MEI4: variants seen among roughly 807,000 people sequenced by gnomAD.
The protein encoded by MEI4 is meiosis-specific protein MEI4.
Under a neutral mutation model 31.4 loss-of-function variants are expected in MEI4, and 27 were observed. The ratio of observed to expected loss-of-function variants is 0.86; its 90% confidence interval spans 0.63 to 1.19. MEI4 has a LOEUF of 1.19. MEI4 is among the 50% of genes most tolerant of loss of function. The pLI, the probability that MEI4 is intolerant of heterozygous loss-of-function variation, is 0.00. For synonymous variants in MEI4, 122 were observed against 145.4 expected, an observed-to-expected ratio of 0.84 and a Z score of 1.16; for missense variants, 329 against 398.9, an observed-to-expected ratio of 0.82 and a Z score of 1.49.
At chr6:77,878,522 G>A (rs1418384280) in intron 4 of MEI4, among the ~76,000 whole-genome samples, 1 of 151,894 alleles carries the variant, frequency 6.6e-6, no homozygotes, top group Non-Finnish European at 1.5e-5. Context: ...ATGAATAGTT[G>A]GCCATTAACA....
intron 4 of MEI4, among the ~76,000 whole-genome samples, chr6:77,900,804 C>T (rs1160921953): frequency 6.6e-6 from 1 of 151,964 alleles, no homozygotes; most frequent in African/African-American, 2.4e-5. Flanking sequence ...TAATGCACAA[C>T]AGGTGTCTTG....
At chr6:77,754,866 C>T (rs1767871803) in intron 2 of MEI4, among the ~76,000 whole-genome samples, 2 of 152,138 alleles carry the variant, frequency 1.3e-5, no homozygotes, top group Admixed American at 6.6e-5. Flanking sequence ...ATGAGAACGA[C>T]ACAGCAGTAA....
rs1766820435 is a variant in MEI4 at position 77,925,437 on chromosome 6, A to AAATCT, written c.*2093_*2097dup. 2 of 151,774 alleles carry AAATCT rather than the reference A, an allele frequency of 1.3e-5. No homozygotes were observed. The highest frequency in any genetic ancestry group is 2.9e-5 in the Non-Finnish European group (2 of 67,900). 9.4% of individuals were successfully genotyped at this position (151,774 alleles called of 1,614,324 possible). A position where few individuals can be genotyped will look rare whatever the true frequency, so the allele number is the denominator to read the frequency against. On this transcript the variant is annotated 3_prime_UTR_variant, in exon 5 of 5. Transcript: ENST00000684080. Reference sequence around the variant, plus strand: ...GTGTAGTAAATTAGTATTAAGGTCCAAATCTACTGGTCAAAAAGAAGATAA... The same window carrying AAATCT: ...GTGTAGTAAATTAGTATTAAGGTCCAAATCTAATCTACTGGTCAAAAAGAAGATAA...
chr6:77,740,245 G>T (rs773555885), intron 2 of MEI4, among the ~76,000 whole-genome samples: 6 of 152,174 alleles, frequency 3.9e-5, no homozygotes, highest in Non-Finnish European at 7.4e-5. Flanking sequence ...TAGAGTATGT[G>T]CCATGTGGTG....
intron 3 of MEI4, among the ~76,000 whole-genome samples, chr6:77,804,549 G>C (rs1213861452): frequency 6.6e-6 from 1 of 152,162 alleles, no homozygotes; most frequent in Non-Finnish European, 1.5e-5. Context: ...TTTCGCTCAC[G>C]CTGGGATCTG....
chr6:77,654,924 T>C (rs1324432567), intron 1 of MEI4, among the ~76,000 whole-genome samples: 1 of 152,148 alleles, frequency 6.6e-6, no homozygotes, highest in Admixed American at 6.5e-5. Context: ...TTTTATTTTT[T>C]ATTATATTTT....
At chr6:77,799,205 T>G (rs1268862691) in intron 3 of MEI4, among the ~76,000 whole-genome samples, 2 of 152,106 alleles carry the variant, frequency 1.3e-5, no homozygotes, top group African/African-American at 4.8e-5. Flanking sequence ...TGAGATGGTA[T>G]CTCATTGTGG....
At chr6:77,855,179 C>T (rs1770716764) in intron 4 of MEI4, among the ~76,000 whole-genome samples, 1 of 151,962 alleles carries the variant, frequency 6.6e-6, no homozygotes, top group Non-Finnish European at 1.5e-5. Context: ...CCTGTCTCTA[C>T]TAAAAAAATA....
chr6:77,661,571 A>G (rs915742457), intron 1 of MEI4, among the ~76,000 whole-genome samples: 9 of 152,172 alleles, frequency 5.9e-5, no homozygotes, highest in African/African-American at 1.9e-4. Flanking sequence ...AGGCCTGAAC[A>G]ATCCTTGAGG....
rs190617503 is a variant in MEI4 at position 77,709,301 on chromosome 6, C to T, written c.232+18398C>T. 1.8e-4 allele frequency among the ~76,000 whole-genome samples: 27 copies of T among 152,274 alleles called. No individual in the cohort carries two copies. The East Asian group carries it at 2.9e-3, about 16-fold the overall frequency. The stretch of plus-strand genomic sequence containing the variant: ...TACTTTTAAAAATTAATACATCACA[C>T]GAAGAACAAAGATTAGGTTGCATTT... On this transcript the variant is annotated intron_variant, in intron 2 of 4. Transcript: ENST00000684080.
At chr6:77,700,024 G>A (rs552247991) in intron 2 of MEI4, among the ~76,000 whole-genome samples, 298 of 152,322 alleles carry the variant, frequency 2.0e-3, no homozygotes, top group African/African-American at 6.5e-3. Context: ...GTGCCTCCCA[G>A]TTAGGCTTCT....
chr6:77,874,519 G>A (rs1771281775), intron 4 of MEI4, among the ~76,000 whole-genome samples: 1 of 152,116 alleles, frequency 6.6e-6, no homozygotes, highest in Non-Finnish European at 1.5e-5. Context: ...AGACAATGGG[G>A]TTTTCTAGAT....
chr6:77,922,638 T>G (rs1280456684), intron 4 of MEI4, among the ~76,000 whole-genome samples: 4 of 151,730 alleles, frequency 2.6e-5, no homozygotes, highest in African/African-American at 9.7e-5. Flanking sequence ...AGTTGAGTTG[T>G]ATCAGGAAGA....
At chr6:77,801,402 C>G (rs141822418) in intron 3 of MEI4, among the ~76,000 whole-genome samples, 1 of 152,110 alleles carries the variant, frequency 6.6e-6, no homozygotes, top group African/African-American at 2.4e-5. Context: ...GTCTTGCTAG[C>G]AGTCTGTCAA....
At chr6:77,666,653 C>G (rs149896977) in intron 1 of MEI4, among the ~76,000 whole-genome samples, 1 of 152,256 alleles carries the variant, frequency 6.6e-6, no homozygotes, top group Non-Finnish European at 1.5e-5. Context: ...AGGGGCAAAG[C>G]TAGGCAGTCA....
intron 2 of MEI4, 123 bp from the exon 3 acceptor site, chr6:77,761,007 G>A: frequency 1.5e-6 from 1 of 647,280 alleles, no homozygotes; most frequent in Non-Finnish European, 2.2e-6. Flanking sequence ...ACTACTGCTT[G>A]TTAAATGCTT....
At chr6:77,671,985 G>C (rs541998603) in intron 1 of MEI4, among the ~76,000 whole-genome samples, 1 of 152,042 alleles carries the variant, frequency 6.6e-6, no homozygotes, top group African/African-American at 2.4e-5. Flanking sequence ...AGGGAGTGCC[G>C]AATTTCCAGA....
intron 3 of MEI4, among the ~76,000 whole-genome samples, chr6:77,770,143 T>C (rs2127686207): frequency 6.6e-6 from 1 of 151,868 alleles, no homozygotes; most frequent in East Asian, 1.9e-4. Flanking sequence ...GGAGAGACAT[T>C]ACAACCAATA....
intron 4 of MEI4, among the ~76,000 whole-genome samples, chr6:77,915,739 G>A (rs1766530411): frequency 6.6e-6 from 1 of 151,968 alleles, no homozygotes; most frequent in Non-Finnish European, 1.5e-5. Context: ...CAGTAGGGAA[G>A]ATCTTTTTTA....
Sources: gnomAD v4.1 joint callset for allele counts (sites outside exome capture counted in the v4.1 genomes callset) on GRCh38, gnomAD v4.1.1 for gene constraint, MANE v1.5 for transcripts, NCBI Gene and HGNC (gene_info 2026-07-23, HGNC 2026-07-21) for gene names.